SLC4A4: variants seen among roughly 807,000 people sequenced by gnomAD.
SLC4A4 encodes the protein solute carrier family 4 member 4, also known as electrogenic sodium bicarbonate cotransporter 1.
Under a neutral mutation model 111.5 loss-of-function variants are expected in SLC4A4, and 27 were observed. The ratio of observed to expected loss-of-function variants is 0.24; its 90% CI spans 0.18 to 0.33. The LOEUF (loss-of-function observed/expected upper bound fraction) is 0.33, where lower values mean the gene tolerates loss of function less well. Ranked by LOEUF, SLC4A4 falls within the 10% of genes least tolerant of loss-of-function variation. SLC4A4 has a pLI of 1.00. For missense variants in SLC4A4, 909 were observed against 1,315.5 expected (o/e 0.69, Z 4.78); for synonymous variants, 443 against 463.4 (o/e 0.96, Z 0.57).
chr4:71,197,592 C>A (rs1158373621), intron 1 of SLC4A4, among the ~76,000 whole-genome samples: 1 of 152,050 alleles, frequency 6.6e-6, no homozygotes, highest in Non-Finnish European at 1.5e-5. Flanking sequence ...ACTTAGCTTC[C>A]CCCAATGAAC....
intron 10 of SLC4A4, 45 bp from the exon 11 acceptor site, chr4:71,451,143 A>G: frequency 8.0e-7 from 1 of 1,254,984 alleles, no homozygotes; most frequent in Non-Finnish European, 1.2e-6. Flanking sequence ...GAAGCGAATG[A>G]ATAAAATAAA....
At chr4:71,248,375 ATC>A (rs1560811737) in intron 2 of SLC4A4, among the ~76,000 whole-genome samples, 1 of 151,028 alleles carries the variant, frequency 6.6e-6, no homozygotes, top group East Asian at 1.9e-4. Flanking sequence ...TTTATATATA[ATC>A]TCTCTATAAA....
intron 6 of SLC4A4, among the ~76,000 whole-genome samples, chr4:71,384,663 T>A (rs1164233531): frequency 2.7e-5 from 4 of 148,374 alleles, no homozygotes; most frequent in Non-Finnish European, 4.4e-5. Flanking sequence ...AAAAAAAAAA[T>A]TACCTCATTT....
At chr4:71,518,657 T>A (rs559343951) in intron 16 of SLC4A4, among the ~76,000 whole-genome samples, 1 of 152,182 alleles carries the variant, frequency 6.6e-6, no homozygotes, top group South Asian at 2.1e-4. Flanking sequence ...GAGTCTGGCC[T>A]GGTGCTGGGG....
At chr4:71,560,631 A>G (rs910470438) in intron 23 of SLC4A4, among the ~76,000 whole-genome samples, 1 of 151,792 alleles carries the variant, frequency 6.6e-6, no homozygotes, top group Non-Finnish European at 1.5e-5. Context: ...ACTCAATTTT[A>G]TGTAATTTTA....
chr4:71,389,967 A>T (rs1719110894), intron 6 of SLC4A4, among the ~76,000 whole-genome samples: 1 of 152,218 alleles, frequency 6.6e-6, no homozygotes, highest in South Asian at 2.1e-4. Flanking sequence ...TTAGTTATGA[A>T]ATTCCTCCAA....
intron 23 of SLC4A4, among the ~76,000 whole-genome samples, chr4:71,563,244 A>AAATAGT (rs1737153006): frequency 6.6e-6 from 1 of 151,862 alleles, no homozygotes; most frequent in Non-Finnish European, 1.5e-5. Context: ...AATTGAAATG[A>AAATAGT]ACCTTTATCC....
chr4:71,306,286 T>C (rs1338655590), intron 3 of SLC4A4, among the ~76,000 whole-genome samples: 1 of 151,438 alleles, frequency 6.6e-6, no homozygotes, highest in African/African-American at 2.4e-5. Context: ...TTCTTGTCTA[T>C]AAAATGGGAT....
At position 71,510,418 on chromosome 4, in the gene SLC4A4, A is replaced by G. The variant is rs1328078739; in HGVS notation, c.2166+12726A>G. Among the ~76,000 whole-genome samples, 11 of 152,164 alleles carry G rather than the reference A, an allele frequency of 7.2e-5. 1 individual carries two copies. Among genetic ancestry groups the G allele is most frequent in the Non-Finnish European group, 1.5e-4 (10 of 68,010 alleles). On this transcript the variant is annotated intron_variant, in intron 16 of 25. Coordinates refer to ENST00000264485, the MANE Select transcript of SLC4A4 (RefSeq NM_001098484.3). ...GAGTGGATGAGTGCCAGGCAATTCT[A>G]GTCGGCCATCTTAATGAAGTCTGAA... is the stretch of plus-strand genomic sequence containing the variant.
At chr4:71,207,477 TAAC>T (rs1205353416) in intron 1 of SLC4A4, among the ~76,000 whole-genome samples, 1 of 152,240 alleles carries the variant, frequency 6.6e-6, no homozygotes, top group African/African-American at 2.4e-5. Flanking sequence ...CTGTTGATCT[TAAC>T]AACTATGATT....
At chr4:71,141,263 C>T (rs918429925) in intron 2 of SLC4A4, among the ~76,000 whole-genome samples, 9 of 152,176 alleles carry the variant, frequency 5.9e-5, no homozygotes, top group African/African-American at 2.2e-4. Context: ...TTCATTCTTG[C>T]CCCACTTTCA....
chr4:71,392,361 G>A (rs1560467070), intron 6 of SLC4A4, among the ~76,000 whole-genome samples: 1 of 152,066 alleles, frequency 6.6e-6, no homozygotes, highest in Non-Finnish European at 1.5e-5. Context: ...GCAGTAGCTT[G>A]GGGAGGGCAA....
intron 16 of SLC4A4, among the ~76,000 whole-genome samples, chr4:71,504,128 C>T (rs767848968): frequency 6.6e-6 from 1 of 152,096 alleles, no homozygotes; most frequent in Non-Finnish European, 1.5e-5. Flanking sequence ...ATTAATATGC[C>T]TTGGAGAACA....
At chr4:71,090,939 T>C (rs551452731) in intron 1 of SLC4A4, among the ~76,000 whole-genome samples, 14 of 152,250 alleles carry the variant, frequency 9.2e-5, no homozygotes, top group African/African-American at 2.6e-4. Flanking sequence ...AGGACATTTT[T>C]GTTTGTTTGT....
chr4:71,092,220 A>G (rs1316702226), intron 1 of SLC4A4, among the ~76,000 whole-genome samples: 1 of 152,108 alleles, frequency 6.6e-6, no homozygotes, highest in Non-Finnish European at 1.5e-5. Context: ...CTGGACTGCA[A>G]TTTCTATTCT....
Position 71,487,123 on chromosome 4 carries a change from C to T in SLC4A4, c.1974+105C>T, listed in dbSNP as rs1053301879. 8.7e-6 allele frequency: 6 copies of T among 688,616 alleles called. No individual in the cohort carries two copies. In the Admixed American group the frequency reaches 1.2e-4, roughly 14 times the overall value. 42.7% of individuals were successfully genotyped at this position (688,616 alleles called of 1,614,324 possible). A position where few individuals can be genotyped will look rare whatever the true frequency, so the allele number is the denominator to read the frequency against. On this transcript the variant is annotated intron_variant, in intron 15 of 25. Coordinates refer to ENST00000264485, the MANE Select transcript of SLC4A4 (RefSeq NM_001098484.3). The stretch of plus-strand genomic sequence containing the variant: ...GTCTTCTACCACTCAGCAATTCTGG[C>T]ATGAACACATACGTAACAATTATTG...
intron 3 of SLC4A4, 53 bp downstream of exon 3, chr4:71,255,452 G>A: frequency 6.4e-7 from 1 of 1,563,516 alleles, no homozygotes; most frequent in South Asian, 1.1e-5. Context: ...CCACATCTTT[G>A]AGAAGGACAC....
chr4:71,215,397 G>A (rs2149016252), intron 1 of SLC4A4, among the ~76,000 whole-genome samples: 1 of 152,260 alleles, frequency 6.6e-6, no homozygotes, highest in South Asian at 2.1e-4. Flanking sequence ...TCTACTCTCA[G>A]TTTCACCATT....
chr4:71,501,817 A>C (rs887522177), intron 16 of SLC4A4, among the ~76,000 whole-genome samples: 2 of 151,426 alleles, frequency 1.3e-5, no homozygotes, highest in African/African-American at 4.9e-5. Context: ...GCGTGCCACC[A>C]TGGGACCTGG....
Sources: gnomAD v4.1 joint callset for allele counts (sites outside exome capture counted in the v4.1 genomes callset) on GRCh38, gnomAD v4.1.1 for gene constraint, MANE v1.5 for transcripts, NCBI Gene and HGNC (gene_info 2026-07-23, HGNC 2026-07-21) for gene names.